The following NPHP4 variants were observed in gnomAD, a reference collection of about 807,000 sequenced individuals.
The protein encoded by NPHP4 is nephrocystin-4.
Under a neutral mutation model 155.8 loss-of-function variants are expected in NPHP4, and 151 were observed. That is an observed-to-expected ratio of 0.97 (90% CI 0.85 to 1.11). The LOEUF is 1.11. Among genes scored for constraint, NPHP4 ranks in the 50% least tolerant of loss-of-function variants. The probability of loss-of-function intolerance (pLI) is 0.00; values close to 1 mark genes in which losing one functional copy is unlikely to be tolerated. For synonymous variants in NPHP4, 845 were observed against 816.8 expected, an observed-to-expected ratio of 1.03 and a Z score of -0.59; for missense variants, 1,956 against 1,925.7, an observed-to-expected ratio of 1.02 and a Z score of -0.29.
At chr1:5,974,703 C>T (rs1411159232) in intron 3 of NPHP4, among the ~76,000 whole-genome samples, 1 of 151,104 alleles carries the variant, frequency 6.6e-6, no homozygotes, top group African/African-American at 2.4e-5. Flanking sequence ...AAAAAAAAAC[C>T]ACCCAGCTCT....
chr1:5,921,581 A>G (rs1287562947), intron 11 of NPHP4, among the ~76,000 whole-genome samples: 1 of 152,298 alleles, frequency 6.6e-6, no homozygotes, highest in South Asian at 2.1e-4. Flanking sequence ...AATACTGAGC[A>G]TGTTTTCATT....
intron 13 of NPHP4, 88 bp downstream of exon 13, chr1:5,907,026 TA>T: frequency 1.5e-6 from 1 of 647,056 alleles, no homozygotes; most frequent in Non-Finnish European, 2.5e-6. Flanking sequence ...GCCACCTAAC[TA>T]AGGACAGGCA....
intron 5 of NPHP4, among the ~76,000 whole-genome samples, chr1:5,964,922 T>C (rs1429116600): frequency 2.5e-5 from 1 of 40,398 alleles, no homozygotes; most frequent in East Asian, 4.9e-4. Flanking sequence ...ATATATTATA[T>C]ATATATATAT....
rs878992194 is a variant in NPHP4, at chr1:5,880,003, G to GCA, written c.2611+109_2611+110dup. ...GGGCACTGACAGCACCACGAATGGT[G>GCA]CACACACACACACATGCACACACGC... On this transcript the variant is annotated intron_variant, in intron 19 of 29. Coordinates refer to ENST00000378156, the MANE Select transcript of NPHP4 (RefSeq NM_015102.5). 606 of 1,252,892 alleles carry GCA rather than the reference G, an allele frequency of 4.8e-4. No individual in the cohort carries two copies. In the African/African-American group the frequency reaches 6.1e-3, roughly 13 times the overall value. The allele number at this position is 1,252,892 out of a possible 1,614,324, so 77.6% of individuals were successfully genotyped here. A position where few individuals can be genotyped will look rare whatever the true frequency, so the allele number is the denominator to read the frequency against.
chr1:5,875,228 C>A, intron 20 of NPHP4, 128 bp from the exon 21 acceptor site: 1 of 758,560 alleles, frequency 1.3e-6, no homozygotes, highest in South Asian at 1.6e-5. Flanking sequence ...CCACCACCAC[C>A]CCCTTCCTTG....
At chr1:5,976,295 G>A (rs1653558140) in intron 3 of NPHP4, among the ~76,000 whole-genome samples, 1 of 152,166 alleles carries the variant, frequency 6.6e-6, no homozygotes, top group Non-Finnish European at 1.5e-5. Context: ...ACAGGAGGAT[G>A]ACAGGCATGA....
chr1:5,920,639 C>T (rs986448041), intron 11 of NPHP4, among the ~76,000 whole-genome samples: 1 of 152,216 alleles, frequency 6.6e-6, no homozygotes, highest in African/African-American at 2.4e-5. Context: ...CATCCTCCCC[C>T]CAATCCTTGG....
intron 3 of NPHP4, among the ~76,000 whole-genome samples, chr1:5,977,237 C>A (rs1238354063): frequency 6.6e-6 from 1 of 152,060 alleles, no homozygotes; most frequent in East Asian, 1.9e-4. Flanking sequence ...CCTGTAGGAC[C>A]CAGCCAGAAG....
At chr1:5,978,055 T>C (rs907617532) in intron 3 of NPHP4, among the ~76,000 whole-genome samples, 2 of 150,652 alleles carry the variant, frequency 1.3e-5, no homozygotes, top group Non-Finnish European at 3.0e-5. Context: ...AGAGCAGAGC[T>C]CTCTCATCTG....
Position 5,948,233 on chromosome 1 carries a change from C to T in NPHP4, c.829G>A (p.Gly277Ser), listed in dbSNP as rs754784261. 1.9e-6 allele frequency: 3 copies of T among 1,580,298 alleles called. No homozygotes were observed. Among genetic ancestry groups the T allele is most frequent in the Admixed American group, 1.8e-5 (1 of 55,372 alleles). ...CGCTCCAGGATCTCCAGGGCACCAC[C>T]GTCCAGTGGGCCACATCCCTGGAAG... ...HFQEGCGPLD[G>S]GALEILERRL... Residue 277 changes from glycine (G) to serine (S), a missense_variant, in exon 8 of 30, where the codon GGT becomes AGT. Transcript: ENST00000378156.
rs1422895814 is a variant in NPHP4 at position 5,867,328 on chromosome 1, C to T, written c.3473-213G>A. The T allele has an allele frequency of 7.0e-6, 4 of 567,926 alleles. No homozygotes were observed. Among genetic ancestry groups the T allele is most frequent in the Admixed American group, 3.2e-5 (1 of 30,878 alleles). The allele number at this position is 567,926 out of a possible 1,614,324, so 35.2% of individuals were successfully genotyped here. A position where few individuals can be genotyped will look rare whatever the true frequency, so the allele number is the denominator to read the frequency against. ...ACCGCCCATCCAGCCCACTGCGGCT[C>T]GGCTGCAGCCATCTCCACAGGGAAT... On this transcript the variant is annotated intron_variant, in intron 24 of 29. Transcript: ENST00000378156. This position sits in a 1 kb window ranked among gnomAD's most constrained non-coding sequence, Gnocchi z 4.1.
In NPHP4 at chr1:5,888,491, C is replaced by T. The variant is rs143263145; in HGVS notation, c.2305-1025G>A. ...CTTCCCTTGTGGGTCTGGGGGCTTC[C>T]GGTCGCCGCAGACCCTGGTCGCTTT... On this transcript the variant is annotated intron_variant, in intron 17 of 29. Coordinates refer to ENST00000378156, the MANE Select transcript of NPHP4 (RefSeq NM_015102.5). The T allele has an allele frequency of 5.9e-4, 737 of 1,256,638 alleles. 5 individuals are homozygous for T. In the African/African-American group the frequency reaches 0.01, roughly 18 times the overall value. The allele number at this position is 1,256,638 out of a possible 1,614,324, so 77.8% of individuals were successfully genotyped here.
intron 20 of NPHP4, chr1:5,876,603 G>A (rs1642633021): frequency 6.5e-6 from 1 of 152,736 alleles, no homozygotes; most frequent in Non-Finnish European, 1.5e-5. Flanking sequence ...CTTTCTCAAG[G>A]CCCCTGTGGT....
chr1:5,976,465 G>A (rs1653603531), intron 3 of NPHP4, among the ~76,000 whole-genome samples: 1 of 152,202 alleles, frequency 6.6e-6, no homozygotes, highest in Non-Finnish European at 1.5e-5. Context: ...TCTATCCCCA[G>A]CAGTTGGTCT....
rs1168969708 is a variant in NPHP4, at chr1:5,905,833, T to A, written c.1612-50A>T. On this transcript the variant is annotated intron_variant, in intron 13 of 29. Coordinates refer to ENST00000378156, the MANE Select transcript of NPHP4 (RefSeq NM_015102.5). This position sits in a 1 kb window ranked among gnomAD's most constrained non-coding sequence, Gnocchi z 4.0. The stretch of plus-strand genomic sequence containing the variant: ...TGAGGCCACCAAGGACCCCAACCCG[T>A]AACAACCAACGGTGCTCAGATCTAA... 2 of 1,552,102 alleles carry A rather than the reference T, an allele frequency of 1.3e-6. No individual in the cohort carries two copies. The highest frequency in any genetic ancestry group is 1.7e-6 in the Non-Finnish European group (2 of 1,143,998).
intron 18 of NPHP4, chr1:5,881,228 T>G (rs1285463985): frequency 6.6e-6 from 1 of 152,264 alleles, no homozygotes; most frequent in Non-Finnish European, 1.5e-5. Context: ...AGCTGCTGTT[T>G]TCAAGGACGA....
intron 26 of NPHP4, 98 bp from the exon 27 acceptor site, chr1:5,865,371 G>A (rs943876586): frequency 1.8e-6 from 2 of 1,133,796 alleles, no homozygotes; most frequent in African/African-American, 3.1e-5. Flanking sequence ...GCAGACAGGA[G>A]GCTGTGCAGG....
chr1:5,867,089 C>A lies in NPHP4; in HGVS notation c.3499G>T (p.Asp1167Tyr). 6.2e-7 allele frequency: 1 copy of A among 1,612,796 alleles called. No individual in the cohort carries two copies. The highest frequency in any genetic ancestry group is 1.1e-5 in the South Asian group (1 of 90,710). The change falls in exon 25 of 30, where the codon GAC becomes TAC. Residue 1167 changes from aspartate (D) to tyrosine (Y), a missense_variant. Coordinates refer to ENST00000378156, the MANE Select transcript of NPHP4 (RefSeq NM_015102.5). The surrounding 1 kb of genome is among the most constrained non-coding windows in gnomAD (Gnocchi z 4.1). ...PGAPVGMLGEDPPVHVRCSDP... is the reference protein window; with the variant it reads ...PGAPVGMLGEYPPVHVRCSDP... ...CTGCAGCGAACATGGACTGGGGGGT[C>A]CTCACCAAGCATTCCCACCGGAGCA...
At position 5,875,116 on chromosome 1, in the gene NPHP4, C is replaced by G; in HGVS notation, c.2818-16G>C. 1 of 1,572,398 alleles carries G rather than the reference C, an allele frequency of 6.4e-7. No homozygotes were observed. Among genetic ancestry groups the G allele is most frequent in the Non-Finnish European group, 8.6e-7 (1 of 1,159,774 alleles). On this transcript the variant is annotated splice_polypyrimidine_tract_variant and intron_variant, in intron 20 of 29. Coordinates refer to ENST00000378156, the MANE Select transcript of NPHP4 (RefSeq NM_015102.5). ...TCTGCTGCGCCTGCAGACAAGAGGA[C>G]ATGGGTGGACAGGGTCCCAGGCACA... is the stretch of plus-strand genomic sequence containing the variant.
Sources: gnomAD v4.1 joint callset for allele counts (sites outside exome capture counted in the v4.1 genomes callset) on GRCh38, gnomAD v4.1.1 for gene constraint, Gnocchi (gnomAD v3.1) non-coding constraint, MANE v1.5 for transcripts, NCBI Gene and HGNC (gene_info 2026-07-23, HGNC 2026-07-21) for gene names.